KDELR2: variants seen among roughly 807,000 people sequenced by gnomAD.
KDELR2 encodes ER lumen protein-retaining receptor 2.
A neutral mutation model predicts 23.9 loss-of-function variants in KDELR2; 15 were observed. The observed-to-expected ratio is 0.63, with a 90% CI of 0.42 to 0.97. The LOEUF is 0.97. Ranked by LOEUF, KDELR2 falls within the 50% of genes least tolerant of loss-of-function variation. KDELR2 has a pLI of 0.00. For synonymous variants in KDELR2, 119 were observed against 106.2 expected (o/e 1.12, Z -0.74); for missense variants, 272 against 254.6 (o/e 1.07, Z -0.46).
At chr7:6,481,135 C>G (rs1345645095) in intron 1 of KDELR2, among the ~76,000 whole-genome samples, 1 of 152,146 alleles carries the variant, frequency 6.6e-6, no homozygotes, top group Non-Finnish European at 1.5e-5. Context: ...CTTTGTGAGG[C>G]CGAAGCGGGC....
chr7:6,471,285 G>A (rs575115570), intron 2 of KDELR2, among the ~76,000 whole-genome samples: 3 of 139,230 alleles, frequency 2.2e-5, no homozygotes, highest in Non-Finnish European at 3.1e-5. Flanking sequence ...AGGTTCAAGC[G>A]ATTCTCCTGC....
intron 1 of KDELR2, chr7:6,482,466 G>A (rs190235138): frequency 4.9e-6 from 2 of 410,618 alleles, no homozygotes; most frequent in Admixed American, 6.1e-5. Context: ...TCAACTGAGA[G>A]ATAACCTCCA....
Position 6,461,893 on chromosome 7 carries a change from CATA to C in KDELR2, c.*1245_*1247del, listed in dbSNP as rs1468323627. 1.3e-5 allele frequency: 2 copies of C among 152,024 alleles called. No individual in the cohort carries two copies. Among genetic ancestry groups the C allele is most frequent in the Middle Eastern group, 3.2e-3 (1 of 316 alleles). The allele number at this position is 152,024 out of a possible 1,614,324, so 9.4% of individuals were successfully genotyped here. A position where few individuals can be genotyped will look rare whatever the true frequency, so the allele number is the denominator to read the frequency against. Reference sequence around the variant, plus strand: ...AAAATTCTAGTATTTCCACAAAATACATAATGTCTTACAGATGATTATGTGAAC... The same window carrying C: ...AAAATTCTAGTATTTCCACAAAATACATGTCTTACAGATGATTATGTGAAC... On this transcript the variant is annotated 3_prime_UTR_variant, in exon 5 of 5. Coordinates refer to ENST00000258739, the MANE Select transcript of KDELR2 (RefSeq NM_006854.4).
Position 6,466,954 on chromosome 7 carries a change from A to G in KDELR2, c.352-631T>C, listed in dbSNP as rs376734701. 2.6e-5 allele frequency among the ~76,000 whole-genome samples: 4 copies of G among 152,256 alleles called. 1 individual carries two copies. The highest frequency in any genetic ancestry group is 9.6e-5 in the African/African-American group (4 of 41,546). ...CCTCCTGGGTGGCCTGGTTCCTAAC[A>G]GGCTATGAACCAGTACCAGTCAGTG... On this transcript the variant is annotated intron_variant, in intron 3 of 4. Coordinates refer to ENST00000258739, the MANE Select transcript of KDELR2 (RefSeq NM_006854.4).
chr7:6,478,808 A>G (rs1276658332), intron 1 of KDELR2, among the ~76,000 whole-genome samples: 1 of 151,886 alleles, frequency 6.6e-6, no homozygotes, highest in Non-Finnish European at 1.5e-5. Context: ...TTTTTTTGAG[A>G]CAAGAGTTTC....
intron 4 of KDELR2, among the ~76,000 whole-genome samples, chr7:6,464,209 A>T: frequency 3.9e-5 from 1 of 25,904 alleles, no homozygotes; most frequent in African/African-American, 1.2e-4. Context: ...AAAAAAAAAA[A>T]AAAAAAAAAA....
intron 4 of KDELR2, among the ~76,000 whole-genome samples, chr7:6,463,804 T>C (rs1785438500): frequency 6.7e-6 from 1 of 150,088 alleles, no homozygotes; most frequent in Non-Finnish European, 1.5e-5. Flanking sequence ...CTCACGCCTA[T>C]ACTTCCGGCA....
At chr7:6,468,096 C>A (rs1303293836) in intron 3 of KDELR2, among the ~76,000 whole-genome samples, 1 of 152,184 alleles carries the variant, frequency 6.6e-6, no homozygotes, top group East Asian at 1.9e-4. Context: ...CCACTGAAGT[C>A]AAGATAATGA....
At chr7:6,482,698 T>A (rs556627008) in intron 1 of KDELR2, 1 of 312,152 alleles carries the variant, frequency 3.2e-6, no homozygotes, top group African/African-American at 2.2e-5. Flanking sequence ...GATCATCTTT[T>A]ACTGCCTCTG....
chr7:6,464,476 G>A (rs1164579394), intron 4 of KDELR2, among the ~76,000 whole-genome samples: 2 of 151,640 alleles, frequency 1.3e-5, no homozygotes, highest in South Asian at 2.1e-4. Context: ...CCGAGATTGC[G>A]CCACTGCACT....
At chr7:6,482,047 G>C (rs555691609) in intron 1 of KDELR2, among the ~76,000 whole-genome samples, 1 of 151,734 alleles carries the variant, frequency 6.6e-6, no homozygotes, top group African/African-American at 2.4e-5. Context: ...TCGTTGCCCA[G>C]GCTGGAGTGC....
At chr7:6,466,031 C>A in intron 4 of KDELR2, 40 bp downstream of exon 4, 1 of 1,603,338 alleles carries the variant, frequency 6.2e-7, no homozygotes, top group Non-Finnish European at 8.5e-7. Flanking sequence ...CCTAAAAGAA[C>A]ACGTCACTCT....
rs1158888380 is a variant in KDELR2, at chr7:6,461,961, T to A, written c.*1180A>T. The A allele has an allele frequency of 6.6e-6, 1 of 152,034 alleles. No individual in the cohort carries two copies. The highest frequency in any genetic ancestry group is 1.9e-4 in the East Asian group (1 of 5,198). The allele number at this position is 152,034 out of a possible 1,614,324, so 9.4% of individuals were successfully genotyped here. On this transcript the variant is annotated 3_prime_UTR_variant, in exon 5 of 5. Transcript: ENST00000258739. ...GCCCTACAGAGCTTTTGTTGCCAAT[T>A]GAAAAACAAAAAAATCCCAACACAG... is the stretch of plus-strand genomic sequence containing the variant.
Position 6,469,608 on chromosome 7 carries a change from G to C in KDELR2, c.339C>G (p.Phe113Leu). 4 of 1,613,936 alleles carry C rather than the reference G, an allele frequency of 2.5e-6. No individual in the cohort carries two copies. The highest frequency in any genetic ancestry group is 3.4e-6 in the Non-Finnish European group (4 of 1,179,974). The change falls in exon 3 of 5, where the codon TTC becomes TTG. Residue 113 changes from phenylalanine to leucine, a missense_variant. By Grantham distance (22) the Phe-to-Leu change is conservative (BLOSUM62 0). Coordinates refer to ENST00000258739, the MANE Select transcript of KDELR2 (RefSeq NM_006854.4). Reference sequence around the variant, plus strand: ...CTTTTAAACTAACCTCAAGAGGAGAGAAATCGTGATTAACTAAAAATGAGA... The same window carrying C: ...CTTTTAAACTAACCTCAAGAGGAGACAAATCGTGATTAACTAAAAATGAGA... ...GGLSFLVNHD[F>L]SPLEILWTFS...
At chr7:6,483,805 G>A (rs897897949) in intron 1 of KDELR2, among the ~76,000 whole-genome samples, 162 bp downstream of exon 1, 4 of 151,962 alleles carry the variant, frequency 2.6e-5, no homozygotes, top group African/African-American at 9.7e-5. Flanking sequence ...CCGAGGGCCC[G>A]CAGGCCGCTG....
rs758965091 is a variant in KDELR2, at chr7:6,469,217, G to C, written c.351+379C>G. On this transcript the variant is annotated intron_variant, in intron 3 of 4. Coordinates refer to ENST00000258739, the MANE Select transcript of KDELR2 (RefSeq NM_006854.4). ...TGTGCCCACCTTGGCCTCCCAAAGTGCTGGAATTACAGGCGTGAGCCACTA... is the reference window on the plus strand; with the variant it reads ...TGTGCCCACCTTGGCCTCCCAAAGTCCTGGAATTACAGGCGTGAGCCACTA... 8.7e-4 allele frequency among the ~76,000 whole-genome samples: 132 copies of C among 152,010 alleles called. 1 individual carries two copies. Among genetic ancestry groups the C allele is most frequent in the Non-Finnish European group, 1.6e-3 (110 of 67,994 alleles).
chr7:6,483,667 C>A (rs12113832), intron 1 of KDELR2, among the ~76,000 whole-genome samples: 1,818 of 152,344 alleles, frequency 0.012, 27 homozygotes, highest in African/African-American at 0.042. Flanking sequence ...TCGGACCCCC[C>A]GTCCCACGCC....
At position 6,466,142 on chromosome 7, in the gene KDELR2, A is replaced by C; in HGVS notation, c.533T>G (p.Leu178Arg). 1 of 1,614,194 alleles carries C rather than the reference A, an allele frequency of 6.2e-7. No homozygotes were observed. Among genetic ancestry groups the C allele is most frequent in the Non-Finnish European group, 8.5e-7 (1 of 1,180,020 alleles). ...GACTACGCCGGCCACCACAGCAATG[A>C]GGTCAAAGAAGCCCTCAAAGTAGAA... ...WRFYFEGFFD[L>R]IAVVAGVVQT... Residue 178 changes from leucine (L) to arginine (R), a missense_variant, in exon 4 of 5, where the codon CTC becomes CGC. Transcript: ENST00000258739.
chr7:6,484,106 G>A lies in KDELR2; in HGVS notation c.-49C>T, dbSNP rs912019671. The stretch of plus-strand genomic sequence containing the variant: ...GCGCAGCGCGGCGGCCCCGGGGCTG[G>A]GCGGCTCAGGAGGCGGCGGCCCCTG... On this transcript the variant is annotated 5_prime_UTR_variant, in exon 1 of 5. Coordinates refer to ENST00000258739, the MANE Select transcript of KDELR2 (RefSeq NM_006854.4). The A allele has an allele frequency of 7.6e-7, 1 of 1,314,352 alleles. No homozygotes were observed. The highest frequency in any genetic ancestry group is 3.8e-5 in the Admixed American group (1 of 26,430). 81.4% of individuals were successfully genotyped at this position (1,314,352 alleles called of 1,614,324 possible).
Sources: allele counts gnomAD v4.1 joint callset (sites outside exome capture counted in the v4.1 genomes callset), GRCh38; gene constraint gnomAD v4.1.1; transcripts MANE v1.5; gene names NCBI Gene and HGNC (gene_info 2026-07-23, HGNC 2026-07-21).